ST3GAL1: variants seen among roughly 807,000 people sequenced by gnomAD.
The protein encoded by ST3GAL1 is CMP-N-acetylneuraminate-beta-galactosamide-alpha-2,3-sialyltransferase 1.
In ST3GAL1, 16 loss-of-function variants were observed where a neutral mutation model predicts 34.1. The ratio of observed to expected loss-of-function variants is 0.47; its 90% CI spans 0.32 to 0.71. ST3GAL1 has a LOEUF of 0.71. ST3GAL1 is among the 30% of genes least tolerant of loss of function. ST3GAL1 has a pLI of 0.04. For synonymous variants in ST3GAL1, 191 were observed against 184.7 expected (o/e 1.03, Z -0.28); for missense variants, 353 against 447.4 (o/e 0.79, Z 1.90).
chr8:133,514,407 G>T (rs1817586302), intron 2 of ST3GAL1, among the ~76,000 whole-genome samples: 1 of 152,154 alleles, frequency 6.6e-6, no homozygotes, highest in Non-Finnish European at 1.5e-5. Context: ...CTCCAGCAAG[G>T]AGCCTGGGGT....
chr8:133,470,309 C>T (rs1428841201), intron 5 of ST3GAL1, among the ~76,000 whole-genome samples: 2 of 151,992 alleles, frequency 1.3e-5, no homozygotes, highest in Non-Finnish European at 2.9e-5. Flanking sequence ...ATCCCAGCTA[C>T]TCAGGAGGCT....
At chr8:133,550,804 C>T (rs1290294005) in intron 1 of ST3GAL1, among the ~76,000 whole-genome samples, 5 of 152,168 alleles carry the variant, frequency 3.3e-5, no homozygotes, top group Admixed American at 2.6e-4. Flanking sequence ...CCCATATTCA[C>T]GCTTCCACCA....
chr8:133,497,578 T>C (rs982509243), intron 3 of ST3GAL1, among the ~76,000 whole-genome samples: 2 of 148,040 alleles, frequency 1.4e-5, no homozygotes, highest in African/African-American at 5.0e-5. Context: ...GTTCAAGCAA[T>C]TCTCCTGCCT....
chr8:133,529,385 T>C (rs886832337), intron 2 of ST3GAL1, among the ~76,000 whole-genome samples: 2 of 151,980 alleles, frequency 1.3e-5, no homozygotes, highest in Non-Finnish European at 2.9e-5. Context: ...ACCGAGCAAA[T>C]GTACAAGGTC....
At chr8:133,506,118 A>G (rs1278394193) in intron 2 of ST3GAL1, among the ~76,000 whole-genome samples, 1 of 152,180 alleles carries the variant, frequency 6.6e-6, no homozygotes, top group Non-Finnish European at 1.5e-5. Context: ...GAGCATTTCC[A>G]TCATCAGGAA....
At chr8:133,476,827 C>T (rs925299528) in intron 3 of ST3GAL1, among the ~76,000 whole-genome samples, 5 of 152,126 alleles carry the variant, frequency 3.3e-5, no homozygotes, top group Admixed American at 6.5e-5. Context: ...AGAAGGTGTC[C>T]CCTCCATGTT....
At chr8:133,565,530 T>G (rs1819368253) in intron 1 of ST3GAL1, among the ~76,000 whole-genome samples, 2 of 152,186 alleles carry the variant, frequency 1.3e-5, no homozygotes, top group African/African-American at 4.8e-5. Flanking sequence ...CTTCTCTGAA[T>G]GTGGGCACCA....
chr8:133,547,735 T>C (rs1435912606), intron 1 of ST3GAL1, among the ~76,000 whole-genome samples: 1 of 152,224 alleles, frequency 6.6e-6, no homozygotes, highest in East Asian at 1.9e-4. Flanking sequence ...TTGGGGCTGT[T>C]TGTTATACAG....
At position 133,473,860 on chromosome 8, in the gene ST3GAL1, A is replaced by G. The variant is rs182584049; in HGVS notation, c.306+1859T>C. 5.3e-4 allele frequency among the ~76,000 whole-genome samples: 81 copies of G among 152,262 alleles called. No homozygotes were observed. The South Asian group carries it at 0.015, about 29-fold the overall frequency. ...GTGACTAAGGCTGATCCTGCCCCAC[A>G]AGTCCATAGTGCTGAGGCTGAGAGC... On this transcript the variant is annotated intron_variant, in intron 5 of 9. Transcript: ENST00000522652.
At chr8:133,498,590 A>G (rs1342204667) in intron 3 of ST3GAL1, among the ~76,000 whole-genome samples, 1 of 152,126 alleles carries the variant, frequency 6.6e-6, no homozygotes, top group Non-Finnish European at 1.5e-5. Flanking sequence ...AACTCAGCCC[A>G]CAGACTTCCT....
intron 1 of ST3GAL1, among the ~76,000 whole-genome samples, chr8:133,557,090 G>A (rs1421545835): frequency 6.6e-6 from 1 of 152,184 alleles, no homozygotes; most frequent in Non-Finnish European, 1.5e-5. Flanking sequence ...GTAAAACACT[G>A]ATAGCACTAG....
At chr8:133,568,126 T>G (rs1253106442) in intron 1 of ST3GAL1, among the ~76,000 whole-genome samples, 2 of 152,084 alleles carry the variant, frequency 1.3e-5, no homozygotes, top group Non-Finnish European at 1.5e-5. Context: ...TTCACCACAT[T>G]GGCCAGCTGG....
chr8:133,488,157 G>A (rs1816673362), intron 3 of ST3GAL1: 1 of 152,260 alleles, frequency 6.6e-6, no homozygotes, highest in South Asian at 2.1e-4. Flanking sequence ...GCTGAGGCAG[G>A]AGGATCACTT....
chr8:133,543,243 C>A (rs1818585182), intron 2 of ST3GAL1, among the ~76,000 whole-genome samples: 1 of 152,176 alleles, frequency 6.6e-6, no homozygotes, highest in South Asian at 2.1e-4. Context: ...AAATAACTGG[C>A]CTGAACTTGT....
rs1658451725 is a variant in ST3GAL1 at position 133,458,354 on chromosome 8, A to C, written c.*1410T>G. 6.6e-6 allele frequency: 1 copy of C among 152,236 alleles called. No individual in the cohort carries two copies. The highest frequency in any genetic ancestry group is 6.5e-5 in the Admixed American group (1 of 15,282). The allele number at this position is 152,236 out of a possible 1,614,324, so 9.4% of individuals were successfully genotyped here. ...GGAAGGCTAATGAGGAAAAGAGAGT[A>C]GCTGGGGAGTAAGAAGATGAGGTAT... is the stretch of plus-strand genomic sequence containing the variant. On this transcript the variant is annotated 3_prime_UTR_variant, in exon 10 of 10. Coordinates refer to ENST00000522652, the MANE Select transcript of ST3GAL1 (RefSeq NM_173344.3).
intron 2 of ST3GAL1, among the ~76,000 whole-genome samples, chr8:133,523,845 C>G (rs4736691): frequency 6.6e-6 from 1 of 152,070 alleles, no homozygotes; most frequent in African/African-American, 2.4e-5. Flanking sequence ...TGTTGTGACA[C>G]GCTTTAGCCA....
intron 2 of ST3GAL1, among the ~76,000 whole-genome samples, chr8:133,526,731 A>G (rs1280535550): frequency 6.6e-6 from 1 of 152,184 alleles, no homozygotes; most frequent in Non-Finnish European, 1.5e-5. Context: ...AATGTTGCAC[A>G]AGGTGACGTC....
chr8:133,500,592 C>G (rs1258686136), intron 2 of ST3GAL1, among the ~76,000 whole-genome samples: 2 of 152,126 alleles, frequency 1.3e-5, no homozygotes, highest in African/African-American at 4.8e-5. Context: ...AATTCTCAGC[C>G]CTGTCATTCA....
At chr8:133,483,373 A>G (rs1816469164) in intron 3 of ST3GAL1, among the ~76,000 whole-genome samples, 1 of 152,148 alleles carries the variant, frequency 6.6e-6, no homozygotes, top group Admixed American at 6.5e-5. Context: ...TGCTCACACG[A>G]AGCGTTGCTG....
Sources: allele counts gnomAD v4.1 joint callset (sites outside exome capture counted in the v4.1 genomes callset), GRCh38; gene constraint gnomAD v4.1.1; transcripts MANE v1.5; gene names NCBI Gene and HGNC (gene_info 2026-07-23, HGNC 2026-07-21).